The following NEB variants were observed in gnomAD, a reference collection of about 807,000 sequenced individuals.
The protein encoded by NEB is nemaline myopathy type 2.
NEB carries 512 observed loss-of-function variants against 952.2 expected under a neutral mutation model. The ratio of observed to expected loss-of-function variants is 0.54; its 90% confidence interval spans 0.50 to 0.58. The LOEUF is 0.58. Among genes scored for constraint, NEB ranks in the 20% least tolerant of loss-of-function variants. The pLI is 0.00. For synonymous variants in NEB, 2,900 were observed against 3,149.8 expected (o/e 0.92, Z 2.66); for missense variants, 8,428 against 9,231.1 (o/e 0.91, Z 3.56).
chr2:151,637,067 C>A (rs1348532442), intron 63 of NEB, among the ~76,000 whole-genome samples: 1 of 151,994 alleles, frequency 6.6e-6, no homozygotes, highest in Admixed American at 6.6e-5. Flanking sequence ...TCTGACTGTG[C>A]GGGGTACTTG....
rs780118739 is a variant in NEB, at chr2:151,545,897, A to T, written c.20568T>A (p.His6856Gln). ...EYRKVQELKTHLSELVYRAAG... is the reference protein window; with the variant it reads ...EYRKVQELKTQLSELVYRAAG... Reference sequence around the variant, plus strand: ...AGTAAAGCGTCCTTACCTCACTCAGATGTGTCTTCAGTTCTTGCACTTTTC... The same window carrying T: ...AGTAAAGCGTCCTTACCTCACTCAGTTGTGTCTTCAGTTCTTGCACTTTTC... Residue 6856 changes from histidine (H) to glutamine (Q), a missense_variant, in exon 135 of 182, where the codon CAT becomes CAA. By Grantham distance (24) the His-to-Gln change is conservative. Coordinates refer to ENST00000397345, the MANE Select transcript of NEB (RefSeq NM_001164508.2). The T allele has an allele frequency of 6.3e-7, 1 of 1,595,106 alleles. No homozygotes were observed. The highest frequency in any genetic ancestry group is 8.6e-7 in the Non-Finnish European group (1 of 1,165,966).
chr2:151,510,481 G>A (rs2073301824), intron 161 of NEB, among the ~76,000 whole-genome samples: 1 of 152,204 alleles, frequency 6.6e-6, no homozygotes, highest in Admixed American at 6.5e-5. Context: ...TAAGTATTCA[G>A]TACAGTAGTC....
chr2:151,534,346 G>A (rs775604629), intron 142 of NEB: 31 of 1,582,142 alleles, frequency 2.0e-5, no homozygotes, highest in Admixed American at 3.3e-5. Flanking sequence ...GCATATTATA[G>A]CAAGAGTACA....
chr2:151,570,622 G>C, intron 107 of NEB, 21 bp from the exon 108 acceptor site: 1 of 1,561,056 alleles, frequency 6.4e-7, no homozygotes. Flanking sequence ...GAAAAATAAG[G>C]TATCATCCTA....
intron 133 of NEB, 115 bp downstream of exon 133, chr2:151,547,314 G>T: frequency 1.3e-6 from 1 of 761,968 alleles, no homozygotes; most frequent in Non-Finnish European, 2.2e-6. Context: ...TGTACTCTTT[G>T]TTTAGAAGTG....
chr2:151,531,169 C>T lies in NEB; in HGVS notation c.21523-68G>A, dbSNP rs1024940645. The T allele has an allele frequency of 1.0e-5, 11 of 1,065,648 alleles. No individual in the cohort carries two copies. The African/African-American group carries it at 1.7e-4, about 17-fold the overall frequency. The allele number at this position is 1,065,648 out of a possible 1,614,324, so 66.0% of individuals were successfully genotyped here. On this transcript the variant is annotated intron_variant, in intron 144 of 181. Transcript: ENST00000397345. ...AATGTATAATATCAAAATATAAATG[C>T]AAAGTTTTTTCCTGAGTGAATATAA...
Position 151,541,504 on chromosome 2 carries a change from T to C in NEB, c.20625A>G (p.Ser6875=). The C allele has an allele frequency of 6.2e-7, 1 of 1,613,634 alleles. No homozygotes were observed. Among genetic ancestry groups the C allele is most frequent in the South Asian group, 1.1e-5 (1 of 91,050 alleles). Residue 6875 remains serine (S), a synonymous_variant, in exon 136 of 182, where the codon TCA becomes TCG. Coordinates refer to ENST00000397345, the MANE Select transcript of NEB (RefSeq NM_001164508.2). The part of the protein sequence containing the change: ...AGKKQKSIFT[S]VPDTPDLLRA... ...TTAAAAGATCAGGAGTATCAGGAAC[T>C]GAAGTAAAGATTGACTTCTGCTTCT...
In NEB at chr2:151,687,659, C is replaced by T. The variant is rs1259136731; in HGVS notation, c.2490G>A (p.Leu830=). Residue 830 remains leucine, a synonymous_variant, in exon 26 of 182, where the codon TTG becomes TTA. Transcript: ENST00000397345. ...TGTTCTTGGTGTTGGCTTTGGCTGCCAACAGGGGAATGGCGTCCACTTTAA... is the reference window on the plus strand; with the variant it reads ...TGTTCTTGGTGTTGGCTTTGGCTGCTAACAGGGGAATGGCGTCCACTTTAA... The part of the protein sequence containing the change: ...FDIKVDAIPL[L]AAKANTKNTS... The T allele has an allele frequency of 8.1e-6, 13 of 1,611,330 alleles. No individual in the cohort carries two copies. The highest frequency in any genetic ancestry group is 1.1e-5 in the Non-Finnish European group (13 of 1,178,454).
intron 9 of NEB, among the ~76,000 whole-genome samples, chr2:151,720,751 C>A (rs1387119395): frequency 6.6e-6 from 1 of 152,286 alleles, no homozygotes; most frequent in South Asian, 2.1e-4. Flanking sequence ...TTCCCTCATC[C>A]TTTTGCTGGC....
At chr2:151,627,413 G>A in intron 69 of NEB, 110 bp downstream of exon 69, 1 of 1,479,620 alleles carries the variant, frequency 6.8e-7, no homozygotes, top group Non-Finnish European at 9.1e-7. Context: ...AATGAGCAGA[G>A]AGAAGAAATG....
intron 38 of NEB, among the ~76,000 whole-genome samples, chr2:151,669,538 C>A (rs1337058886): frequency 6.6e-6 from 1 of 152,110 alleles, no homozygotes; most frequent in Non-Finnish European, 1.5e-5. Flanking sequence ...CATTTACACT[C>A]AAACTTGGAG....
intron 20 of NEB, among the ~76,000 whole-genome samples, chr2:151,693,145 A>G (rs1191554881): frequency 1.3e-5 from 2 of 152,086 alleles, no homozygotes; most frequent in East Asian, 1.9e-4. Context: ...AAGACCTAAC[A>G]GTTTTCTTTA....
chr2:151,547,446 C>T lies in NEB; in HGVS notation c.20350G>A (p.Gly6784Arg). Residue 6784 changes from glycine to arginine, a missense_variant, in exon 133 of 182, where the codon GGA (glycine) becomes AGA (arginine). Physicochemically the swap from Gly to Arg is moderately radical, Grantham distance 125 (BLOSUM62 -2). This residue lies in a region of NEB where 3,374 missense variants were observed against 3,651.5 expected (regional missense o/e 0.92). Coordinates refer to ENST00000397345, the MANE Select transcript of NEB (RefSeq NM_001164508.2). ...TPQVIHCRYV[G>R]DITSDIKYKE... ...ATGCTTACATCACTGGTGATGTCTC[C>T]CACATAGCGGCAATGGATCACTTGG... The T allele has an allele frequency of 6.2e-7, 1 of 1,601,540 alleles. No individual in the cohort carries two copies. The highest frequency in any genetic ancestry group is 2.2e-5 in the East Asian group (1 of 44,486).
intron 107 of NEB, among the ~76,000 whole-genome samples, chr2:151,574,665 G>A (rs2096767843): frequency 6.6e-6 from 1 of 152,032 alleles, no homozygotes; most frequent in Non-Finnish European, 1.5e-5. Flanking sequence ...TTAATGTAAT[G>A]CTGAATTTGA....
At chr2:151,577,114 C>T (rs531385680) in intron 105 of NEB, among the ~76,000 whole-genome samples, 3 of 152,300 alleles carry the variant, frequency 2.0e-5, no homozygotes, top group Admixed American at 6.5e-5. Flanking sequence ...AAGTTCTCTA[C>T]ACAGCAGCCA....
In NEB at chr2:151,655,302, G is replaced by T. The variant is rs773605767; in HGVS notation, c.6775C>A (p.Gln2259Lys). The change falls in exon 51 of 182, where the codon CAA becomes AAA. Residue 2259 changes from glutamine (Q) to lysine (K), a missense_variant. By Grantham distance (53) the Gln-to-Lys change is moderately conservative (BLOSUM62 1). This residue lies in a region of NEB where 2,851 missense variants were observed against 2,791.5 expected (regional missense o/e 1.02). Coordinates refer to ENST00000397345, the MANE Select transcript of NEB (RefSeq NM_001164508.2). ...HVMPDTPDIL[Q>K]AKQNQTLYSQ... ...TACAGTGTTTGATTCTGCTTGGCTT[G>T]TAAAATATCTGGTGTATCAGGCATC... 1.0e-5 allele frequency: 16 copies of T among 1,595,628 alleles called. No individual in the cohort carries two copies. The highest frequency in any genetic ancestry group is 1.2e-5 in the Non-Finnish European group (14 of 1,166,588).
chr2:151,550,266 C>CAAAAAA (rs57057802), intron 129 of NEB, among the ~76,000 whole-genome samples: 1 of 73,362 alleles, frequency 1.4e-5, no homozygotes, highest in Non-Finnish European at 2.5e-5. Context: ...ACCCTGTCTC[C>CAAAAAA]AAAAAAAAAA....
chr2:151,501,869 A>G (rs997011702), intron 167 of NEB, among the ~76,000 whole-genome samples: 7 of 152,222 alleles, frequency 4.6e-5, no homozygotes, highest in African/African-American at 1.7e-4. Flanking sequence ...GGGGAACAAA[A>G]TAAAGAATAA....
chr2:151,621,368 G>A (rs576961127), intron 71 of NEB, among the ~76,000 whole-genome samples: 11 of 152,210 alleles, frequency 7.2e-5, no homozygotes, highest in African/African-American at 2.2e-4. Context: ...AATTTGAATT[G>A]GGAACATTTT....
Sources: gnomAD v4.1 joint callset for allele counts (sites outside exome capture counted in the v4.1 genomes callset) on GRCh38, gnomAD v4.1.1 for gene constraint, gnomAD v4.1.1 regional missense constraint, MANE v1.5 for transcripts, NCBI Gene and HGNC (gene_info 2026-07-23, HGNC 2026-07-21) for gene names.